SOS2: variants seen among roughly 807,000 people sequenced by gnomAD.
SOS2 encodes the protein SOS Ras/Rho guanine nucleotide exchange factor 2.
In SOS2, 65 loss-of-function variants were observed where a neutral mutation model predicts 148.2. That is an observed-to-expected ratio of 0.44 (90% CI 0.36 to 0.54). The LOEUF is 0.54. Among genes scored for constraint, SOS2 ranks in the 20% least tolerant of loss-of-function variants. The probability of loss-of-function intolerance (pLI) is 0.00; values close to 1 mark genes in which losing one functional copy is unlikely to be tolerated. For missense variants in SOS2, 1,341 were observed against 1,590.2 expected, an observed-to-expected ratio of 0.84 and a Z score of 2.67; for synonymous variants, 539 against 537.1, an observed-to-expected ratio of 1.00 and a Z score of -0.05.
chr14:50,138,585 C>T (rs2139550430), intron 18 of SOS2, 27 bp downstream of exon 18: 4 of 1,286,124 alleles, frequency 3.1e-6, no homozygotes, highest in South Asian at 3.3e-5. Context: ...ACGTTCTCTT[C>T]TAAAGATATG....
At chr14:50,231,747 C>T (rs558620531), upstream of SOS2, among the ~76,000 whole-genome samples, 370 of 152,176 alleles carry the variant, frequency 2.4e-3, 2 homozygotes, top group Non-Finnish European at 4.4e-3. Context: ...CCGACAGCGC[C>T]GCCCGGCCCT....
Position 50,118,266 on chromosome 14 carries a change from C to A in SOS2, c.*78G>T, listed in dbSNP as rs1028210638. ...ATTATTTGTAAAAAGTACTAAAATA[C>A]TATGTCTTTTTTTGAATAAATTAAA... On this transcript the variant is annotated 3_prime_UTR_variant, in exon 23 of 23. Coordinates refer to ENST00000216373, the MANE Select transcript of SOS2 (RefSeq NM_006939.4). 2.5e-6 allele frequency: 3 copies of A among 1,195,262 alleles called. No homozygotes were observed. Among genetic ancestry groups the A allele is most frequent in the Non-Finnish European group, 3.5e-6 (3 of 849,536 alleles). The allele number at this position is 1,195,262 out of a possible 1,614,324, so 74.0% of individuals were successfully genotyped here.
chr14:50,206,074 T>C (rs1248187045), intron 1 of SOS2, among the ~76,000 whole-genome samples: 1 of 152,208 alleles, frequency 6.6e-6, no homozygotes, highest in Non-Finnish European at 1.5e-5. Context: ...TATTAATCTT[T>C]TAAAGAACCA....
At chr14:50,178,016 CAG>C (rs1388727426) in intron 7 of SOS2, among the ~76,000 whole-genome samples, 5 of 152,184 alleles carry the variant, frequency 3.3e-5, no homozygotes, top group South Asian at 2.1e-4. Context: ...AACAGAAAAA[CAG>C]GGGCTGATAA....
chr14:50,169,276 A>T (rs1885280362), intron 8 of SOS2, among the ~76,000 whole-genome samples: 1 of 151,912 alleles, frequency 6.6e-6, no homozygotes, highest in South Asian at 2.1e-4. Flanking sequence ...AGCCTGCACC[A>T]TTGCACTCCA....
At position 50,182,606 on chromosome 14, in the gene SOS2, C is replaced by G; in HGVS notation, c.715G>C (p.Asp239His). 1 of 1,594,156 alleles carries G rather than the reference C, an allele frequency of 6.3e-7. No individual in the cohort carries two copies. Among genetic ancestry groups the G allele is most frequent in the Non-Finnish European group, 8.6e-7 (1 of 1,167,624 alleles). ...LSDRKLFKPS[D>H]IEKIFSNISD... ...ATGTTACTAAAAATCTTTTCGATATCCTGAAAAAAGAGAAGGAAGGTTAAG... is the reference window on the plus strand; with the variant it reads ...ATGTTACTAAAAATCTTTTCGATATGCTGAAAAAAGAGAAGGAAGGTTAAG... Residue 239 changes from aspartate (D) to histidine (H), a missense_variant and splice_region_variant, in exon 6 of 23, where the codon GAT becomes CAT. By Grantham distance (81) the Asp-to-His change is moderately conservative (BLOSUM62 -1). This residue lies in a region of SOS2 where 574 missense variants were observed against 711.1 expected (regional missense o/e 0.81). Coordinates refer to ENST00000216373, the MANE Select transcript of SOS2 (RefSeq NM_006939.4).
chr14:50,138,632 G>A lies in SOS2; in HGVS notation c.2938C>T (p.Arg980Trp), dbSNP rs770909499. 3.9e-6 allele frequency: 6 copies of A among 1,550,378 alleles called. No homozygotes were observed. Among genetic ancestry groups the A allele is most frequent in the South Asian group, 2.5e-5 (2 of 80,952 alleles). Reference sequence around the variant, plus strand: ...TTTACCCTCATATCTGGTTCTATCCGTAAACAGTAAGGCTGATTCTGATAC... The same window carrying A: ...TTTACCCTCATATCTGGTTCTATCCATAAACAGTAAGGCTGATTCTGATAC... ...QQYQNQPYCL[R>W]IEPDMRRFFE... Residue 980 changes from arginine (R) to tryptophan (W), a missense_variant, in exon 18 of 23, where the codon CGG (arginine) becomes TGG (tryptophan). Transcript: ENST00000216373.
intron 5 of SOS2, among the ~76,000 whole-genome samples, chr14:50,184,153 A>T (rs1885835580): frequency 6.6e-6 from 1 of 152,232 alleles, no homozygotes; most frequent in South Asian, 2.1e-4. Context: ...CTTATCACTG[A>T]CTAAAACATC....
At chr14:50,210,091 C>T (rs1886817915) in intron 1 of SOS2, among the ~76,000 whole-genome samples, 1 of 152,062 alleles carries the variant, frequency 6.6e-6, no homozygotes, top group African/African-American at 2.4e-5. Flanking sequence ...TTACTAACAA[C>T]AAAGTCATAT....
intron 7 of SOS2, among the ~76,000 whole-genome samples, chr14:50,176,291 T>C (rs1485881178): frequency 6.6e-6 from 1 of 152,236 alleles, no homozygotes; most frequent in Non-Finnish European, 1.5e-5. Context: ...AATAAATTTC[T>C]ATTGTTTATA....
chr14:50,210,663 A>G (rs2139818077), intron 1 of SOS2, among the ~76,000 whole-genome samples: 1 of 151,902 alleles, frequency 6.6e-6, no homozygotes, highest in Non-Finnish European at 1.5e-5. Context: ...TCTAGAATAT[A>G]TAGAGAACTC....
chr14:50,123,545 GC>G (rs1883590448), intron 21 of SOS2, among the ~76,000 whole-genome samples: 1 of 152,084 alleles, frequency 6.6e-6, no homozygotes, highest in Non-Finnish European at 1.5e-5. Context: ...ACCAGGCCCA[GC>G]TAATTTTTGT....
chr14:50,211,031 G>GAA (rs1566481918), intron 1 of SOS2, among the ~76,000 whole-genome samples: 8 of 37,510 alleles, frequency 2.1e-4, no homozygotes, highest in Non-Finnish European at 4.2e-4. Flanking sequence ...TTCCACTATA[G>GAA]GATATATATA....
chr14:50,159,297 C>T, intron 10 of SOS2, 134 bp downstream of exon 10: 2 of 548,936 alleles, frequency 3.6e-6, no homozygotes, highest in Non-Finnish European at 6.5e-6. Flanking sequence ...CTTATTTATT[C>T]CTTTTGTTTT....
intron 11 of SOS2, 96 bp from the exon 12 acceptor site, chr14:50,157,217 A>G: frequency 7.2e-7 from 1 of 1,383,890 alleles, no homozygotes; most frequent in South Asian, 1.3e-5. Flanking sequence ...CACTTCCACG[A>G]AAAGTGGATT....
At chr14:50,208,245 C>T (rs778353762) in intron 1 of SOS2, among the ~76,000 whole-genome samples, 13 of 151,044 alleles carry the variant, frequency 8.6e-5, no homozygotes, top group East Asian at 2.0e-4. Flanking sequence ...TGCAGTGAGC[C>T]GAGATAACGT....
In SOS2 at chr14:50,231,309, C is replaced by A; in HGVS notation, c.-26G>T. On this transcript the variant is annotated 5_prime_UTR_variant, in exon 1 of 23. Transcript: ENST00000216373. ...GGCCCCGGCGACAGCGCCTCCGCAT[C>A]GGGGGCAGCCCGCGGGCCGGGCCGG... The A allele has an allele frequency of 7.4e-7, 1 of 1,343,816 alleles. No homozygotes were observed. The highest frequency in any genetic ancestry group is 9.8e-7 in the Non-Finnish European group (1 of 1,018,700). The allele number at this position is 1,343,816 out of a possible 1,614,324, so 83.2% of individuals were successfully genotyped here. A position where few individuals can be genotyped will look rare whatever the true frequency, so the allele number is the denominator to read the frequency against.
chr14:50,148,592 A>T (rs894528771), intron 14 of SOS2, among the ~76,000 whole-genome samples: 1 of 152,240 alleles, frequency 6.6e-6, no homozygotes, highest in South Asian at 2.1e-4. Context: ...CTCAAGTAAC[A>T]AGTCCCTTCA....
chr14:50,135,232 C>G (rs997116374), intron 18 of SOS2, among the ~76,000 whole-genome samples: 1 of 151,672 alleles, frequency 6.6e-6, no homozygotes, highest in Non-Finnish European at 1.5e-5. Context: ...AGGCTGAGGC[C>G]GGGGGACTGC....
Sources: gnomAD v4.1 joint callset for allele counts (sites outside exome capture counted in the v4.1 genomes callset) on GRCh38, gnomAD v4.1.1 for gene constraint, gnomAD v4.1.1 regional missense constraint, MANE v1.5 for transcripts, NCBI Gene and HGNC (gene_info 2026-07-23, HGNC 2026-07-21) for gene names.